Variants in ROCK2 observed in about 807,000 individuals in gnomAD.
ROCK2 encodes the protein rho-associated protein kinase 2.
In ROCK2, 61 loss-of-function variants were observed where a neutral mutation model predicts 195.1. The observed-to-expected ratio is 0.31, with a 90% CI of 0.25 to 0.39. ROCK2 has a LOEUF of 0.39. Among genes scored for constraint, ROCK2 ranks in the 10% least tolerant of loss-of-function variants. The pLI, the probability that ROCK2 is intolerant of heterozygous loss-of-function variation, is 1.00. For missense variants in ROCK2, 1,109 were observed against 1,637.4 expected (o/e 0.68, Z 5.57); for synonymous variants, 504 against 545.5 (o/e 0.92, Z 1.06).
At chr2:11,218,523 TA>T (rs1664510089) in intron 10 of ROCK2, 57 bp from the exon 11 acceptor site, 6 of 1,210,452 alleles carry the variant, frequency 5.0e-6, no homozygotes, top group Non-Finnish European at 6.9e-6. Context: ...TTATATTCTG[TA>T]AAATTCCTAA....
chr2:11,235,983 G>GA lies in ROCK2; in HGVS notation c.463-22dup, dbSNP rs1206733597. On this transcript the variant is annotated intron_variant, in intron 4 of 32. Transcript: ENST00000315872. This position sits in a 1 kb window ranked among gnomAD's most constrained non-coding sequence, Gnocchi z 4.2. The stretch of plus-strand genomic sequence containing the variant: ...AAAAGCTGGAAAACAAAAGGAAAAG[G>GA]AAAAATTTTTAAAAACCCAAACCAA... 30 of 1,411,790 alleles carry GA rather than the reference G, an allele frequency of 2.1e-5. No individual in the cohort carries two copies. The highest frequency in any genetic ancestry group is 2.7e-5 in the Non-Finnish European group (29 of 1,077,432). 87.5% of individuals were successfully genotyped at this position (1,411,790 alleles called of 1,614,324 possible).
At chr2:11,289,085 T>C (rs1316946819) in intron 1 of ROCK2, among the ~76,000 whole-genome samples, 1 of 152,198 alleles carries the variant, frequency 6.6e-6, no homozygotes, top group Non-Finnish European at 1.5e-5. Context: ...GAGTAAACTA[T>C]TAACATTTTT....
chr2:11,199,316 T>C (rs1363028025), intron 23 of ROCK2, among the ~76,000 whole-genome samples: 1 of 151,824 alleles, frequency 6.6e-6, no homozygotes, highest in Middle Eastern at 3.2e-3. Context: ...TCTTTTTTTT[T>C]TTTCTCTCTT....
chr2:11,216,689 AC>A (rs1213307856), intron 12 of ROCK2, among the ~76,000 whole-genome samples: 2 of 150,106 alleles, frequency 1.3e-5, no homozygotes, highest in Non-Finnish European at 3.0e-5. Context: ...GAGCCACTGC[AC>A]CAGGCCATAG....
chr2:11,185,029 C>A (rs552551347), intron 32 of ROCK2, among the ~76,000 whole-genome samples: 8 of 152,308 alleles, frequency 5.3e-5, no homozygotes, highest in Non-Finnish European at 8.8e-5. Flanking sequence ...AAGAAACAAT[C>A]TGCTTCTCCC....
intron 1 of ROCK2, among the ~76,000 whole-genome samples, chr2:11,313,271 C>G (rs751687451): frequency 1.3e-5 from 2 of 151,962 alleles, no homozygotes; most frequent in South Asian, 4.1e-4. Context: ...TTTCTGTAAA[C>G]CTACAACTGT....
chr2:11,273,928 C>CT (rs1553310276), intron 3 of ROCK2, among the ~76,000 whole-genome samples: 5 of 108,024 alleles, frequency 4.6e-5, no homozygotes, highest in Non-Finnish European at 8.9e-5. Flanking sequence ...GACTCCATCT[C>CT]AAAAAAAAAA....
At chr2:11,290,239 T>C (rs1429678828) in intron 1 of ROCK2, among the ~76,000 whole-genome samples, 1 of 152,186 alleles carries the variant, frequency 6.6e-6, no homozygotes, top group East Asian at 1.9e-4. Flanking sequence ...CCTTCCTTGT[T>C]ATGCAGTTTC....
rs776937515 is a variant in ROCK2 at position 11,192,755 on chromosome 2, A to AT, written c.3688-44dup. 4.9e-5 allele frequency: 77 copies of AT among 1,562,432 alleles called. No homozygotes were observed. Among genetic ancestry groups the AT allele is most frequent in the African/African-American group, 1.8e-4 (13 of 73,134 alleles). On this transcript the variant is annotated intron_variant, in intron 30 of 32. Coordinates refer to ENST00000315872, the MANE Select transcript of ROCK2 (RefSeq NM_004850.5). This position sits in a 1 kb window ranked among gnomAD's most constrained non-coding sequence, Gnocchi z 5.0. ...ACAATAAGTGATTTCCAAACATGCTATTTTTTTATGTAGGAACAATTCTGA... is the reference window on the plus strand; with the variant it reads ...ACAATAAGTGATTTCCAAACATGCTATTTTTTTTATGTAGGAACAATTCTGA...
chr2:11,282,058 T>G (rs1254339386), intron 3 of ROCK2, among the ~76,000 whole-genome samples: 1 of 152,136 alleles, frequency 6.6e-6, no homozygotes, highest in Non-Finnish European at 1.5e-5. Flanking sequence ...GCCAACAAAA[T>G]ATTAAAGAAC....
Position 11,195,745 on chromosome 2 carries a change from C to A in ROCK2, c.3449-720G>T, listed in dbSNP as rs543069340. 7.9e-5 allele frequency among the ~76,000 whole-genome samples: 12 copies of A among 152,270 alleles called. No homozygotes were observed. In the South Asian group the frequency reaches 2.5e-3, roughly 32 times the overall value. On this transcript the variant is annotated intron_variant, in intron 27 of 32. Coordinates refer to ENST00000315872, the MANE Select transcript of ROCK2 (RefSeq NM_004850.5). ...GGCCAGGCTAGTCTCGAACTCCTGA[C>A]CTCAGGTGATCTGTCTGCCTCAGCC...
At position 11,256,288 on chromosome 2, in the gene ROCK2, T is replaced by G. The variant is rs190705466; in HGVS notation, c.325-6490A>C. Among the ~76,000 whole-genome samples the G allele has an allele frequency of 1.8e-4, 27 of 151,220 alleles. No individual in the cohort carries two copies. In the East Asian group the frequency reaches 5.2e-3, roughly 29 times the overall value. On this transcript the variant is annotated intron_variant, in intron 3 of 32. Coordinates refer to ENST00000315872, the MANE Select transcript of ROCK2 (RefSeq NM_004850.5). ...GGTGACTGGATCACGGGGAGGGACTTCCCCCTTGTTGTTCTCCTGATAGTG... is the reference window on the plus strand; with the variant it reads ...GGTGACTGGATCACGGGGAGGGACTGCCCCCTTGTTGTTCTCCTGATAGTG...
At chr2:11,218,753 T>C (rs180848892) in intron 10 of ROCK2, among the ~76,000 whole-genome samples, 6 of 152,368 alleles carry the variant, frequency 3.9e-5, no homozygotes, top group Middle Eastern at 3.4e-3. Context: ...TAAAGCCATG[T>C]AGAAGTCCTC....
rs188498493 is a variant in ROCK2, at chr2:11,266,355, T to C, written c.325-16557A>G. 2.2e-3 allele frequency among the ~76,000 whole-genome samples: 340 copies of C among 152,336 alleles called. 3 individuals are homozygous for C. Among genetic ancestry groups the C allele is most frequent in the African/African-American group, 8.0e-3 (331 of 41,582 alleles). On this transcript the variant is annotated intron_variant, in intron 3 of 32. Coordinates refer to ENST00000315872, the MANE Select transcript of ROCK2 (RefSeq NM_004850.5). Reference sequence around the variant, plus strand: ...ATGACCTTAAGACAGCTGACATTACTAGGTAAAAGGAATTTTTCAGCTCCA... The same window carrying C: ...ATGACCTTAAGACAGCTGACATTACCAGGTAAAAGGAATTTTTCAGCTCCA...
chr2:11,183,507 A>G (rs1226353603), intron 32 of ROCK2, 67 bp from the exon 33 acceptor site: 50 of 1,207,516 alleles, frequency 4.1e-5, no homozygotes, highest in Non-Finnish European at 6.0e-5. Flanking sequence ...AAATTCCTAG[A>G]AAAAGCATTC....
At chr2:11,260,118 T>A (rs149694225) in intron 3 of ROCK2, among the ~76,000 whole-genome samples, 8 of 151,438 alleles carry the variant, frequency 5.3e-5, no homozygotes, top group Non-Finnish European at 1.2e-4. Flanking sequence ...AGCAATGTTG[T>A]TAAATATAGT....
intron 1 of ROCK2, among the ~76,000 whole-genome samples, chr2:11,313,569 C>CT (rs775521889): frequency 2.0e-5 from 3 of 151,914 alleles, no homozygotes; most frequent in Non-Finnish European, 2.9e-5. Context: ...TGTATAACCT[C>CT]TTTATGTTAA....
rs754318751 is a variant in ROCK2, at chr2:11,183,399, C to G, written c.*38G>C. The G allele has an allele frequency of 1.5e-5, 23 of 1,569,582 alleles. No homozygotes were observed. The highest frequency in any genetic ancestry group is 2.0e-5 in the Non-Finnish European group (23 of 1,154,228). The stretch of plus-strand genomic sequence containing the variant: ...CAGTCTTGTTTTCACTGGAAGAATA[C>G]GATCACCTTGAATAATGACTGCTTT... On this transcript the variant is annotated 3_prime_UTR_variant, in exon 33 of 33. Coordinates refer to ENST00000315872, the MANE Select transcript of ROCK2 (RefSeq NM_004850.5).
chr2:11,297,694 T>TC (rs1384242257), intron 1 of ROCK2, among the ~76,000 whole-genome samples: 2 of 152,204 alleles, frequency 1.3e-5, no homozygotes, highest in African/African-American at 2.4e-5. Context: ...ACACATCTAT[T>TC]CTAAATACAT....
Sources: gnomAD v4.1 joint callset for allele counts (sites outside exome capture counted in the v4.1 genomes callset) on GRCh38, gnomAD v4.1.1 for gene constraint, Gnocchi (gnomAD v3.1) non-coding constraint, MANE v1.5 for transcripts, NCBI Gene and HGNC (gene_info 2026-07-23, HGNC 2026-07-21) for gene names.